MCTP1: variants seen among roughly 807,000 people sequenced by gnomAD.
The protein encoded by MCTP1 is multiple C2 and transmembrane domain containing 1.
MCTP1 carries 69 observed loss-of-function variants against 120.6 expected under a neutral mutation model. The observed-to-expected ratio is 0.57, with a 90% confidence interval of 0.47 to 0.70. The LOEUF (loss-of-function observed/expected upper bound fraction) is 0.70. Among genes scored for constraint, MCTP1 ranks in the 30% least tolerant of loss-of-function variants. The pLI is 0.00. For synonymous variants in MCTP1, 529 were observed against 493.1 expected (o/e 1.07, Z -0.96); for missense variants, 1,203 against 1,248.8 (o/e 0.96, Z 0.55).
chr5:94,994,302 A>G (rs1832186423), intron 2 of MCTP1, among the ~76,000 whole-genome samples: 1 of 152,196 alleles, frequency 6.6e-6, no homozygotes, highest in South Asian at 2.1e-4. Context: ...AGAGAGTTTC[A>G]CGGGTATCTA....
intron 1 of MCTP1, among the ~76,000 whole-genome samples, chr5:95,047,678 G>A (rs1402902789): frequency 6.6e-6 from 1 of 152,062 alleles, no homozygotes; most frequent in Non-Finnish European, 1.5e-5. Context: ...CATTTTAGTA[G>A]TCTAATGCCT....
chr5:94,793,798 G>A (rs949873123), intron 18 of MCTP1, among the ~76,000 whole-genome samples: 5 of 152,206 alleles, frequency 3.3e-5, no homozygotes, highest in African/African-American at 1.2e-4. Flanking sequence ...AATAATAAAT[G>A]TGCTTGATTT....
intron 2 of MCTP1, among the ~76,000 whole-genome samples, chr5:94,965,341 G>C (rs1224701936): frequency 1.3e-5 from 2 of 152,162 alleles, no homozygotes; most frequent in Non-Finnish European, 2.9e-5. Context: ...TTACAGGAGA[G>C]CTCTGAACAG....
chr5:94,936,044 T>C lies in MCTP1; in HGVS notation c.1173+4040A>G, dbSNP rs182761204. ...AGCTGATACTTGACATGTTACAGAA[T>C]GAAGAAAATACAGTGATGGGTTTAT... is the stretch of plus-strand genomic sequence containing the variant. On this transcript the variant is annotated intron_variant, in intron 5 of 22. Coordinates refer to ENST00000515393, the MANE Select transcript of MCTP1 (RefSeq NM_024717.7). Among the ~76,000 whole-genome samples the C allele has an allele frequency of 1.1e-3, 168 of 152,160 alleles. 1 individual carries two copies. Among genetic ancestry groups the C allele is most frequent in the African/African-American group, 3.9e-3 (162 of 41,544 alleles).
Position 94,917,905 on chromosome 5 carries a change from T to C in MCTP1, c.1341A>G (p.Lys447=). The C allele has an allele frequency of 6.2e-7, 1 of 1,613,626 alleles. No individual in the cohort carries two copies. The highest frequency in any genetic ancestry group is 8.5e-7 in the Non-Finnish European group (1 of 1,179,572). Residue 447 remains lysine (K), a synonymous_variant, in exon 8 of 23, where the codon AAA becomes AAG. Transcript: ENST00000515393. ...CRAELQNPYC[K]NVQFQTQSLR... is the part of the protein sequence containing the mutation. ...GAATGGTTGAACTTACTTGTACATT[T>C]TTGCAATAAGGATTCTGAAGCTCTG...
chr5:95,159,107 A>G (rs892715711), intron 1 of MCTP1, among the ~76,000 whole-genome samples: 4 of 152,212 alleles, frequency 2.6e-5, no homozygotes, highest in African/African-American at 9.6e-5. Flanking sequence ...ATCACGTCTA[A>G]AAAATAATTA....
intron 1 of MCTP1, chr5:95,081,810 T>C: frequency 9.5e-7 from 1 of 1,054,984 alleles, no homozygotes; most frequent in Non-Finnish European, 1.1e-6. Context: ...CATTAAATAC[T>C]AAAAACTTCA....
rs374884835 is a variant in MCTP1, at chr5:94,874,605, CT to C, written c.1934-1365del. 1.7e-3 allele frequency among the ~76,000 whole-genome samples: 254 copies of C among 152,186 alleles called. 1 individual carries two copies. Among genetic ancestry groups the C allele is most frequent in the Middle Eastern group, 0.01 (3 of 294 alleles). Reference sequence around the variant, plus strand: ...ATAGAGAACTGGAAGTCTTAAAGGTCTGGTGAAAATTGTACTTCTGGCTTAG... The same window carrying C: ...ATAGAGAACTGGAAGTCTTAAAGGTCGGTGAAAATTGTACTTCTGGCTTAG... On this transcript the variant is annotated intron_variant, in intron 12 of 22. Transcript: ENST00000515393.
At chr5:95,013,965 A>G (rs2153662158) in intron 2 of MCTP1, among the ~76,000 whole-genome samples, 1 of 152,156 alleles carries the variant, frequency 6.6e-6, no homozygotes, top group African/African-American at 2.4e-5. Context: ...TAGATGCCAT[A>G]AAGAACATTT....
At chr5:95,050,446 T>G (rs968063532) in intron 1 of MCTP1, among the ~76,000 whole-genome samples, 1 of 152,172 alleles carries the variant, frequency 6.6e-6, no homozygotes, top group Admixed American at 6.5e-5. Context: ...GATGGGGCTG[T>G]GGGGATGAGA....
intron 1 of MCTP1, among the ~76,000 whole-genome samples, chr5:95,091,738 CA>C (rs1755859200): frequency 6.6e-6 from 1 of 152,196 alleles, no homozygotes; most frequent in Non-Finnish European, 1.5e-5. Flanking sequence ...ATCTTCCAAG[CA>C]AACCTTTCAC....
chr5:94,909,382 C>T lies in MCTP1; in HGVS notation c.1522-1G>A. On this transcript the variant is annotated splice_acceptor_variant, in intron 9 of 22. Coordinates refer to ENST00000515393, the MANE Select transcript of MCTP1 (RefSeq NM_024717.7). LOFTEE classifies it high-confidence loss of function. ...GAGGATTCAACGTTTTTGGCATAAT[C>T]TGGAAAAAAAAATCATAATTGTCAT... The T allele has an allele frequency of 6.4e-7, 1 of 1,567,570 alleles. No individual in the cohort carries two copies. Among genetic ancestry groups the T allele is most frequent in the East Asian group, 2.3e-5 (1 of 43,112 alleles).
intron 5 of MCTP1, among the ~76,000 whole-genome samples, chr5:94,934,446 T>C (rs1251308023): frequency 1.3e-5 from 2 of 151,890 alleles, no homozygotes; most frequent in Non-Finnish European, 2.9e-5. Flanking sequence ...TTGAAGCCAG[T>C]AAAAGGAATG....
intron 17 of MCTP1, among the ~76,000 whole-genome samples, chr5:94,841,241 G>T (rs1561728725): frequency 1.3e-5 from 2 of 152,098 alleles, no homozygotes; most frequent in African/African-American, 2.4e-5. Context: ...ATAAAACAAT[G>T]GTGTTGCCAA....
At chr5:94,784,719 A>C (rs1415405884) in intron 18 of MCTP1, 5 of 151,992 alleles carry the variant, frequency 3.3e-5, no homozygotes, top group African/African-American at 1.2e-4. Context: ...TCATCAAGAT[A>C]ACTGAACCAC....
chr5:95,230,264 A>AAT (rs1754787295), intron 1 of MCTP1, among the ~76,000 whole-genome samples: 1 of 151,222 alleles, frequency 6.6e-6, no homozygotes, highest in Non-Finnish European at 1.5e-5. Context: ...ACGCACACAA[A>AAT]ATATATATAT....
At chr5:94,790,163 G>A (rs1778585293) in intron 18 of MCTP1, among the ~76,000 whole-genome samples, 1 of 152,214 alleles carries the variant, frequency 6.6e-6, no homozygotes, top group Non-Finnish European at 1.5e-5. Flanking sequence ...CACTTTCTAG[G>A]AGTGCTCTGA....
intron 2 of MCTP1, among the ~76,000 whole-genome samples, chr5:95,005,891 C>T (rs759978144): frequency 1.3e-5 from 2 of 152,000 alleles, no homozygotes; most frequent in Non-Finnish European, 2.9e-5. Flanking sequence ...CCCAATTATT[C>T]CAGTTCAGGA....
rs572874941 is a variant in MCTP1 at position 95,199,634 on chromosome 5, G to A, written c.720+84222C>T. ...GCATTTTGGGGGTTTGAGGCGGGTG[G>A]ATCACTTGAGGTCAGGGGGTCAAGA... On this transcript the variant is annotated intron_variant, in intron 1 of 22. Transcript: ENST00000515393. Among the ~76,000 whole-genome samples the A allele has an allele frequency of 1.4e-4, 21 of 151,282 alleles. No homozygotes were observed. The South Asian group carries it at 4.4e-3, about 32-fold the overall frequency.
Sources: gnomAD v4.1 joint callset for allele counts (sites outside exome capture counted in the v4.1 genomes callset) on GRCh38, gnomAD v4.1.1 for gene constraint, MANE v1.5 for transcripts, NCBI Gene and HGNC (gene_info 2026-07-23, HGNC 2026-07-21) for gene names.